Variants in RNF157 observed in about 807,000 individuals in gnomAD.
The protein encoded by RNF157 is E3 ubiquitin ligase RNF157.
RNF157 carries 55 observed loss-of-function variants against 88.3 expected under a neutral mutation model. That is an observed-to-expected ratio of 0.62 (90% CI 0.50 to 0.78). The LOEUF is 0.78. Among genes scored for constraint, RNF157 ranks in the 30% least tolerant of loss-of-function variants. The pLI is 0.00. For synonymous variants in RNF157, 334 were observed against 341.2 expected (o/e 0.98, Z 0.23); for missense variants, 788 against 860.8 (o/e 0.92, Z 1.06).
intron 1 of RNF157, among the ~76,000 whole-genome samples, chr17:76,237,770 T>C (rs185129635): frequency 6.6e-6 from 1 of 151,992 alleles, no homozygotes; most frequent in African/African-American, 2.4e-5. Context: ...CTGGGCAACA[T>C]AGTGAGAGAG....
intron 1 of RNF157, among the ~76,000 whole-genome samples, chr17:76,217,694 G>A (rs3859178): frequency 0.48 from 73,714 of 152,020 alleles, 18,513 homozygotes; most frequent in African/African-American, 0.61. Context: ...GTTACCAGGA[G>A]AAACACGTCA....
intron 2 of RNF157, among the ~76,000 whole-genome samples, chr17:76,178,531 C>T (rs539710967): frequency 6.6e-6 from 1 of 152,370 alleles, no homozygotes; most frequent in South Asian, 2.1e-4. Context: ...TGAGTGCAGC[C>T]TGTCAGGCCA....
chr17:76,182,742 T>TA (rs1255589443), intron 2 of RNF157, among the ~76,000 whole-genome samples: 3 of 135,004 alleles, frequency 2.2e-5, no homozygotes, highest in African/African-American at 8.9e-5. Context: ...CATTTGCTAT[T>TA]AGATTCAGGC....
At position 76,167,711 on chromosome 17, in the gene RNF157, G is replaced by A; in HGVS notation, c.383C>T (p.Ala128Val). The change falls in exon 4 of 19, where the codon GCT becomes GTT. Residue 128 changes from alanine to valine, a missense_variant. By Grantham distance (64) the Ala-to-Val change is moderately conservative. Transcript: ENST00000269391. Reference protein sequence around the residue: ...YNVEFTFDTDARVAITIYYQA... With the variant: ...YNVEFTFDTDVRVAITIYYQA... ...GTAATAGATGGTGATGGCTACCCGAGCATCTGTGTCAAAGGTGAACTCAAC... is the reference window on the plus strand; with the variant it reads ...GTAATAGATGGTGATGGCTACCCGAACATCTGTGTCAAAGGTGAACTCAAC... The A allele has an allele frequency of 6.2e-7, 1 of 1,614,186 alleles. No individual in the cohort carries two copies. Among genetic ancestry groups the A allele is most frequent in the African/African-American group, 1.3e-5 (1 of 75,028 alleles).
At chr17:76,173,374 TG>T (rs1314049583) in intron 3 of RNF157, among the ~76,000 whole-genome samples, 1 of 152,190 alleles carries the variant, frequency 6.6e-6, no homozygotes, top group Non-Finnish European at 1.5e-5. Context: ...TACATTGGCT[TG>T]TTGGAGTAGC....
At chr17:76,175,852 A>C in intron 2 of RNF157, 1 of 889,976 alleles carries the variant, frequency 1.1e-6, no homozygotes, top group Non-Finnish European at 1.3e-6. Flanking sequence ...AAAGAAAAAA[A>C]AATCCTGGCA....
intron 2 of RNF157, among the ~76,000 whole-genome samples, chr17:76,179,985 G>A (rs975616269): frequency 6.6e-5 from 10 of 152,196 alleles, no homozygotes; most frequent in African/African-American, 2.2e-4. Flanking sequence ...AGTGCATGGT[G>A]ACAAGGAAGA....
chr17:76,215,502 A>G (rs1210848466), intron 1 of RNF157, among the ~76,000 whole-genome samples: 1 of 149,010 alleles, frequency 6.7e-6, no homozygotes, highest in Non-Finnish European at 1.5e-5. Flanking sequence ...AGAAAAAAGA[A>G]AAGAAAAGAA....
intron 2 of RNF157, among the ~76,000 whole-genome samples, chr17:76,209,923 C>A (rs2069753032): frequency 1.3e-5 from 2 of 152,088 alleles, no homozygotes; most frequent in Non-Finnish European, 2.9e-5. Context: ...CCACGCCCAG[C>A]TAATTTTTGT....
intron 2 of RNF157, among the ~76,000 whole-genome samples, chr17:76,190,581 T>C (rs1386954494): frequency 8.1e-4 from 106 of 130,286 alleles, no homozygotes; most frequent in South Asian, 9.9e-4. Flanking sequence ...CCAGCCTGGG[T>C]GACAGAGTGA....
intron 1 of RNF157, among the ~76,000 whole-genome samples, chr17:76,227,791 C>T (rs576601371): frequency 4.6e-5 from 7 of 152,160 alleles, no homozygotes; most frequent in Admixed American, 1.3e-4. Flanking sequence ...GCAGGAGAAT[C>T]GCTTGAACCC....
chr17:76,186,888 T>C (rs2069299657), intron 2 of RNF157, among the ~76,000 whole-genome samples: 1 of 151,492 alleles, frequency 6.6e-6, no homozygotes, highest in East Asian at 2.0e-4. Context: ...TGCAGTGAGC[T>C]GAGATCGCAC....
chr17:76,155,562 C>G lies in RNF157; in HGVS notation c.1698G>C (p.Glu566Asp), dbSNP rs778079820. The G allele has an allele frequency of 1.2e-6, 2 of 1,611,904 alleles. No homozygotes were observed. The highest frequency in any genetic ancestry group is 1.7e-6 in the Non-Finnish European group (2 of 1,179,344). ...GGGCGGTTCCCGTCCCTTCCCTTAC[C>G]TCTCCTTCTTCTGAGGGGGCCCTGC... ...PASRAPSEEG[E>D]GLPAESPDSN... is the part of the protein sequence containing the mutation. The change falls in exon 15 of 19, where the codon GAG (glutamate) becomes GAC (aspartate). Residue 566 changes from glutamate (E) to aspartate (D), a missense_variant and splice_region_variant. Coordinates refer to ENST00000269391, the MANE Select transcript of RNF157 (RefSeq NM_052916.3).
At chr17:76,191,982 T>TAACAGTTA (rs1235849260) in intron 2 of RNF157, among the ~76,000 whole-genome samples, 1 of 152,190 alleles carries the variant, frequency 6.6e-6, no homozygotes, top group Non-Finnish European at 1.5e-5. Context: ...ACAGTTTCAG[T>TAACAGTTA]AACAGTTAAG....
chr17:76,174,987 T>C (rs1017850852), intron 2 of RNF157, among the ~76,000 whole-genome samples: 2 of 152,202 alleles, frequency 1.3e-5, no homozygotes, highest in African/African-American at 4.8e-5. Flanking sequence ...AGCAGAAAAC[T>C]TGAAAAACAC....
At chr17:76,170,888 A>C (rs181162200) in intron 3 of RNF157, among the ~76,000 whole-genome samples, 1 of 151,944 alleles carries the variant, frequency 6.6e-6, no homozygotes. Flanking sequence ...AATTTTTAAA[A>C]TTTTTTATTT....
intron 2 of RNF157, among the ~76,000 whole-genome samples, chr17:76,207,521 C>T (rs1221097055): frequency 3.3e-5 from 5 of 152,184 alleles, no homozygotes; most frequent in Admixed American, 6.5e-5. Flanking sequence ...TTAGTCTGCT[C>T]ATTCAGAAAT....
chr17:76,206,453 G>C (rs1439283249), intron 2 of RNF157, among the ~76,000 whole-genome samples: 1 of 152,114 alleles, frequency 6.6e-6, no homozygotes, highest in Non-Finnish European at 1.5e-5. Context: ...CTTTATATAA[G>C]GGACCAGAGC....
rs771760516 is a variant in RNF157 at position 76,155,306 on chromosome 17, C to T, written c.1710G>A (p.Ala570=). ...CAGCAAAGTTGCTGTCTGGAGACTCCGCTGGCAGCCCCTGCAGAAGAGCAC... is the reference window on the plus strand; with the variant it reads ...CAGCAAAGTTGCTGTCTGGAGACTCTGCTGGCAGCCCCTGCAGAAGAGCAC... The part of the protein sequence containing the change: ...APSEEGEGLP[A]ESPDSNFAGL... Residue 570 remains alanine (A), a synonymous_variant, in exon 16 of 19, where the codon GCG becomes GCA. Transcript: ENST00000269391. 34 of 1,614,028 alleles carry T rather than the reference C, an allele frequency of 2.1e-5. No homozygotes were observed. The highest frequency in any genetic ancestry group is 1.6e-4 in the Middle Eastern group (1 of 6,084).
Sources: allele counts gnomAD v4.1 joint callset (sites outside exome capture counted in the v4.1 genomes callset), GRCh38; gene constraint gnomAD v4.1.1; transcripts MANE v1.5; gene names NCBI Gene and HGNC (gene_info 2026-07-23, HGNC 2026-07-21).